DENND2B: variants seen among roughly 807,000 people sequenced by gnomAD.
DENND2B encodes DENN domain-containing protein 2B.
DENND2B carries 32 observed loss-of-function variants against 116.0 expected under a neutral mutation model. That is an observed-to-expected ratio of 0.28 (90% confidence interval 0.21 to 0.37). The LOEUF is 0.37. Among genes scored for constraint, DENND2B ranks in the 10% least tolerant of loss-of-function variants. The pLI is 1.00. For missense variants in DENND2B, 1,276 were observed against 1,477.7 expected, an observed-to-expected ratio of 0.86 and a Z score of 2.24; for synonymous variants, 588 against 583.9, an observed-to-expected ratio of 1.01 and a Z score of -0.10.
At chr11:8,765,085 G>C (rs543952643) in intron 1 of DENND2B, among the ~76,000 whole-genome samples, 1 of 151,866 alleles carries the variant, frequency 6.6e-6, no homozygotes, top group East Asian at 1.9e-4. Flanking sequence ...ACAAATAAGC[G>C]TAAGAGATGC....
At chr11:8,860,533 GAAACCACAGGTGACACAA>G in intron 2 of DENND2B, among the ~76,000 whole-genome samples, 1 of 152,052 alleles carries the variant, frequency 6.6e-6, no homozygotes, top group Non-Finnish European at 1.5e-5. Flanking sequence ...GCTGCTGAAA[GAAACCACAGGTGACACAA>G]ACAAATAGAA....
chr11:8,863,346 T>TCCCAGGTTCAAACCATTCTCCTGC (rs543669262), intron 2 of DENND2B, among the ~76,000 whole-genome samples: 1 of 81,270 alleles, frequency 1.2e-5, no homozygotes, highest in Non-Finnish European at 2.5e-5. Flanking sequence ...AAGCTCCACC[T>TCCCAGGTTCAAACCATTCTCCTGC]CTCAGCCTCC....
chr11:8,797,164 A>C (rs768990737), intron 1 of DENND2B, among the ~76,000 whole-genome samples: 9 of 152,232 alleles, frequency 5.9e-5, no homozygotes, highest in Non-Finnish European at 1.2e-4. Context: ...ATCCCTGCAG[A>C]TGTTACAACA....
intron 1 of DENND2B, among the ~76,000 whole-genome samples, chr11:8,894,834 A>C (rs2064079620): frequency 6.6e-6 from 1 of 152,164 alleles, no homozygotes; most frequent in Non-Finnish European, 1.5e-5. Context: ...TGTGGAAGAG[A>C]GTGTGGCAAT....
At chr11:8,845,923 CAG>C (rs34705984) in intron 3 of DENND2B, among the ~76,000 whole-genome samples, 33,076 of 152,062 alleles carry the variant, frequency 0.22, 4,085 homozygotes, top group Middle Eastern at 0.37. Context: ...AAATAAATTA[CAG>C]AGTGTCTAGA....
intron 1 of DENND2B, among the ~76,000 whole-genome samples, chr11:8,776,923 C>T (rs1262575323): frequency 1.3e-5 from 2 of 152,136 alleles, no homozygotes; most frequent in Non-Finnish European, 1.5e-5. Flanking sequence ...ATGGGGGTCA[C>T]ATGGGAGCCA....
At chr11:8,891,001 G>T (rs2064025075) in intron 1 of DENND2B, among the ~76,000 whole-genome samples, 3 of 152,266 alleles carry the variant, frequency 2.0e-5, no homozygotes, top group Admixed American at 2.0e-4. Flanking sequence ...GAAAGGTCAG[G>T]TTACCCTCAA....
chr11:8,848,496 C>G (rs1269498938), intron 3 of DENND2B, among the ~76,000 whole-genome samples: 1 of 152,164 alleles, frequency 6.6e-6, no homozygotes, highest in Non-Finnish European at 1.5e-5. Flanking sequence ...ATTGAGACAA[C>G]TGAGGACATT....
rs140275142 is a variant in DENND2B at position 8,897,502 on chromosome 11, T to A, written c.-256+13319A>T. ...ATAGGACATTGTCAGAAACATGTGA[T>A]CTTGGTAGTAAATGATCAGGGAAAG... On this transcript the variant is annotated intron_variant, in intron 1 of 22. Coordinates refer to the DENND2B transcript ENST00000534127. 3.5e-3 allele frequency among the ~76,000 whole-genome samples: 535 copies of A among 152,306 alleles called. 6 individuals are homozygous for A. The highest frequency in any genetic ancestry group is 0.031 in the Middle Eastern group (9 of 294).
upstream of DENND2B, chr11:8,811,606 C>T (rs914493639): frequency 1.4e-5 from 5 of 353,644 alleles, no homozygotes; most frequent in African/African-American, 8.4e-5. Flanking sequence ...TCCTCTCCCC[C>T]CTACCCAGCA....
At chr11:8,821,300 T>A (rs1047032678) in intron 4 of DENND2B, among the ~76,000 whole-genome samples, 1 of 151,706 alleles carries the variant, frequency 6.6e-6, no homozygotes, top group Admixed American at 6.6e-5. Flanking sequence ...ACACGTTTTT[T>A]ATTTAAAAAT....
At chr11:8,886,726 G>A (rs1290019328) in intron 1 of DENND2B, among the ~76,000 whole-genome samples, 1 of 151,702 alleles carries the variant, frequency 6.6e-6, no homozygotes, top group Admixed American at 6.6e-5. Context: ...GAACATCACG[G>A]CTCAACAAAC....
chr11:8,785,997 A>T (rs1239172985), intron 1 of DENND2B, among the ~76,000 whole-genome samples: 1 of 152,210 alleles, frequency 6.6e-6, no homozygotes, highest in East Asian at 1.9e-4. Context: ...TATAGAAGCT[A>T]TTACAGAACT....
At chr11:8,764,245 G>A (rs2134134089) in intron 1 of DENND2B, among the ~76,000 whole-genome samples, 1 of 151,780 alleles carries the variant, frequency 6.6e-6, no homozygotes, top group South Asian at 2.1e-4. Flanking sequence ...GAAAAGAAAA[G>A]AAAAAAGAAG....
At chr11:8,761,342 A>G (rs1359881398) in intron 1 of DENND2B, among the ~76,000 whole-genome samples, 1 of 152,162 alleles carries the variant, frequency 6.6e-6, no homozygotes, top group East Asian at 1.9e-4. Context: ...TCTTGTCACC[A>G]CTTGGAAAAA....
At chr11:8,704,729 G>C (rs562040515) in intron 13 of DENND2B, among the ~76,000 whole-genome samples, 31 of 152,166 alleles carry the variant, frequency 2.0e-4, no homozygotes, top group African/African-American at 7.0e-4. Flanking sequence ...ATGGAGTCTC[G>C]CTTTGTCGCC....
intron 14 of DENND2B, chr11:8,700,055 G>A (rs1399876647): frequency 2.3e-6 from 1 of 431,746 alleles, no homozygotes; most frequent in Non-Finnish European, 4.7e-6. Flanking sequence ...AGCCCCACGG[G>A]AGCTGGCCTG....
chr11:8,795,607 G>C (rs976636183), intron 1 of DENND2B, among the ~76,000 whole-genome samples: 1 of 152,054 alleles, frequency 6.6e-6, no homozygotes, highest in African/African-American at 2.4e-5. Flanking sequence ...TGCTCTAAAT[G>C]AATTTTGAGG....
At chr11:8,878,869 G>T (rs1164859627) in intron 2 of DENND2B, among the ~76,000 whole-genome samples, 1 of 152,152 alleles carries the variant, frequency 6.6e-6, no homozygotes, top group Non-Finnish European at 1.5e-5. Context: ...ATAAATGGTT[G>T]CCAGGGCTCC....
Sources: gnomAD v4.1 joint callset for allele counts (sites outside exome capture counted in the v4.1 genomes callset) on GRCh38, gnomAD v4.1.1 for gene constraint, MANE v1.5 for transcripts, NCBI Gene and HGNC (gene_info 2026-07-23, HGNC 2026-07-21) for gene names.